Variants in RALGAPA2 observed in about 807,000 individuals in gnomAD.
The protein encoded by RALGAPA2 is ral GTPase-activating protein subunit alpha-2.
A neutral mutation model predicts 230.4 loss-of-function variants in RALGAPA2; 139 were observed. The observed-to-expected ratio is 0.60, with a 90% CI of 0.53 to 0.69. RALGAPA2 has a LOEUF of 0.69. Among genes scored for constraint, RALGAPA2 ranks in the 30% least tolerant of loss-of-function variants. The pLI, the probability that RALGAPA2 is intolerant of heterozygous loss-of-function variation, is 0.00. For missense variants in RALGAPA2, 2,163 were observed against 2,276.0 expected, an observed-to-expected ratio of 0.95 and a Z score of 1.01; for synonymous variants, 847 against 837.8, an observed-to-expected ratio of 1.01 and a Z score of -0.19.
At chr20:20,465,148 T>TTC (rs1454330128) in intron 37 of RALGAPA2, among the ~76,000 whole-genome samples, 110 of 10,466 alleles carry the variant, frequency 0.011, no homozygotes, top group African/African-American at 0.019. Context: ...CCCGCAGGCC[T>TTC]TCACACACAC....
In RALGAPA2 at chr20:20,591,988, C is replaced by T. The variant is rs187438735; in HGVS notation, c.2204-674G>A. On this transcript the variant is annotated intron_variant, in intron 16 of 39. Coordinates refer to ENST00000202677, the MANE Select transcript of RALGAPA2 (RefSeq NM_020343.4). ...CTATATTCCCCTATAGAATGAGTTC[C>T]CCCCAGCTCATTTCTAAACTGCACA... 5.0e-3 allele frequency among the ~76,000 whole-genome samples: 755 copies of T among 152,180 alleles called. 5 individuals are homozygous for T. The highest frequency in any genetic ancestry group is 0.017 in the African/African-American group (719 of 41,506).
chr20:20,487,594 G>A (rs2061944668), intron 36 of RALGAPA2, among the ~76,000 whole-genome samples: 1 of 152,162 alleles, frequency 6.6e-6, no homozygotes, highest in African/African-American at 2.4e-5. Flanking sequence ...CGTTCCCCCA[G>A]GCCAGACAGG....
chr20:20,656,513 T>C (rs909082466), intron 3 of RALGAPA2, among the ~76,000 whole-genome samples: 1 of 152,140 alleles, frequency 6.6e-6, no homozygotes, highest in Non-Finnish European at 1.5e-5. Context: ...AGAAGTAAAC[T>C]GGCTGTTTCA....
intron 26 of RALGAPA2, among the ~76,000 whole-genome samples, chr20:20,533,868 T>C (rs1196006405): frequency 6.6e-6 from 1 of 152,150 alleles, no homozygotes; most frequent in Non-Finnish European, 1.5e-5. Context: ...AATAAAAATA[T>C]AGTCTTAAAT....
intron 19 of RALGAPA2, among the ~76,000 whole-genome samples, chr20:20,584,330 A>G (rs2065071555): frequency 6.6e-6 from 1 of 152,118 alleles, no homozygotes; most frequent in Admixed American, 6.5e-5. Flanking sequence ...TCTCCGGTCT[A>G]TCTGCTCACT....
At chr20:20,433,012 T>C (rs1417097370) in intron 37 of RALGAPA2, among the ~76,000 whole-genome samples, 1 of 152,238 alleles carries the variant, frequency 6.6e-6, no homozygotes, top group African/African-American at 2.4e-5. Flanking sequence ...CTCCCCATTC[T>C]AAAGAGCCTG....
intron 1 of RALGAPA2, among the ~76,000 whole-genome samples, chr20:20,688,823 T>C (rs1398964706): frequency 6.6e-6 from 1 of 152,210 alleles, no homozygotes; most frequent in Non-Finnish European, 1.5e-5. Flanking sequence ...ATAACAAAAA[T>C]GATTTTTTAA....
chr20:20,443,338 T>C (rs991803466), intron 37 of RALGAPA2, among the ~76,000 whole-genome samples: 1 of 152,200 alleles, frequency 6.6e-6, no homozygotes, highest in Non-Finnish European at 1.5e-5. Context: ...CTCCAGTGAA[T>C]GAATGGCTTC....
At chr20:20,557,072 G>A (rs2064105368) in intron 23 of RALGAPA2, among the ~76,000 whole-genome samples, 1 of 152,164 alleles carries the variant, frequency 6.6e-6, no homozygotes. Context: ...CACTTTGGGA[G>A]GCCGAGGTGG....
intron 37 of RALGAPA2, among the ~76,000 whole-genome samples, chr20:20,444,710 A>C (rs527434614): frequency 1.3e-5 from 2 of 152,314 alleles, no homozygotes; most frequent in African/African-American, 2.4e-5. Flanking sequence ...TCAGAGTTCT[A>C]GTTGTTCTAT....
chr20:20,610,512 C>G (rs1172575561), intron 14 of RALGAPA2, among the ~76,000 whole-genome samples: 2 of 152,126 alleles, frequency 1.3e-5, no homozygotes, highest in African/African-American at 2.4e-5. Flanking sequence ...ATATCCGGGA[C>G]CTCACTTATC....
At chr20:20,619,878 A>G (rs1246215963) in intron 11 of RALGAPA2, among the ~76,000 whole-genome samples, 1 of 152,234 alleles carries the variant, frequency 6.6e-6, no homozygotes, top group Non-Finnish European at 1.5e-5. Flanking sequence ...AATGTCACTT[A>G]AGTTTCTTTT....
At chr20:20,701,344 G>A (rs1217924596) in intron 1 of RALGAPA2, among the ~76,000 whole-genome samples, 2 of 152,182 alleles carry the variant, frequency 1.3e-5, no homozygotes, top group African/African-American at 4.8e-5. Context: ...AAATAAGGGA[G>A]TAAGTTACCA....
chr20:20,431,460 A>G (rs1038231144), intron 37 of RALGAPA2, among the ~76,000 whole-genome samples: 2 of 152,202 alleles, frequency 1.3e-5, no homozygotes, highest in African/African-American at 4.8e-5. Context: ...AGGCAGGTAG[A>G]GGACATTTCA....
chr20:20,471,719 TG>T (rs1189538798), intron 37 of RALGAPA2: 3 of 152,198 alleles, frequency 2.0e-5, no homozygotes, highest in African/African-American at 7.2e-5. Flanking sequence ...AATCCTGCCC[TG>T]GCCCCCAGGG....
At chr20:20,600,972 C>T (rs886522814) in intron 16 of RALGAPA2, among the ~76,000 whole-genome samples, 3 of 151,992 alleles carry the variant, frequency 2.0e-5, no homozygotes, top group Non-Finnish European at 2.9e-5. Flanking sequence ...TCGTGGCACG[C>T]GCCTGTAATC....
chr20:20,481,313 C>A (rs2061769052), intron 36 of RALGAPA2, among the ~76,000 whole-genome samples: 1 of 152,218 alleles, frequency 6.6e-6, no homozygotes, highest in South Asian at 2.1e-4. Flanking sequence ...GGATGCAATG[C>A]AGACATCTTG....
chr20:20,598,381 G>A (rs139091715), intron 16 of RALGAPA2, among the ~76,000 whole-genome samples: 8 of 152,114 alleles, frequency 5.3e-5, no homozygotes, highest in Non-Finnish European at 8.8e-5. Context: ...CTGTATAGAA[G>A]ACACACTAAG....
rs931884462 is a variant in RALGAPA2, at chr20:20,640,979, G to C, written c.373-101C>G. 12 of 1,074,046 alleles carry C rather than the reference G, an allele frequency of 1.1e-5. 1 individual carries two copies. The highest frequency in any genetic ancestry group is 2.9e-4 in the Middle Eastern group (1 of 3,394). The allele number at this position is 1,074,046 out of a possible 1,614,324, so 66.5% of individuals were successfully genotyped here. Reference sequence around the variant, plus strand: ...GAGAAAGAAAAACTACAAGTTAAAGGTGTGTTAAGTAGTAAACCAAATTCT... The same window carrying C: ...GAGAAAGAAAAACTACAAGTTAAAGCTGTGTTAAGTAGTAAACCAAATTCT... On this transcript the variant is annotated intron_variant, in intron 5 of 39. Coordinates refer to ENST00000202677, the MANE Select transcript of RALGAPA2 (RefSeq NM_020343.4).
Sources: gnomAD v4.1 joint callset for allele counts (sites outside exome capture counted in the v4.1 genomes callset) on GRCh38, gnomAD v4.1.1 for gene constraint, MANE v1.5 for transcripts, NCBI Gene and HGNC (gene_info 2026-07-23, HGNC 2026-07-21) for gene names.